LRMDA: variants seen among roughly 807,000 people sequenced by gnomAD.
LRMDA encodes leucine-rich melanocyte differentiation-associated protein.
A neutral mutation model predicts 29.8 loss-of-function variants in LRMDA; 18 were observed. The ratio of observed to expected loss-of-function variants is 0.60; its 90% CI spans 0.42 to 0.90. LRMDA has a LOEUF of 0.90. LRMDA is among the 40% of genes least tolerant of loss of function. The pLI, the probability that LRMDA is intolerant of heterozygous loss-of-function variation, is 0.00. For missense variants in LRMDA, 273 were observed against 273.9 expected, an observed-to-expected ratio of 1.00 and a Z score of 0.02; for synonymous variants, 125 against 109.4, an observed-to-expected ratio of 1.14 and a Z score of -0.89.
chr10:75,542,372 G>T (rs566354570), intron 2 of LRMDA, among the ~76,000 whole-genome samples: 1 of 152,054 alleles, frequency 6.6e-6, no homozygotes, highest in Non-Finnish European at 1.5e-5. Flanking sequence ...AGGAGTGTTT[G>T]CACTTTCACA....
chr10:75,983,777 C>T (rs912618156), intron 2 of LRMDA, among the ~76,000 whole-genome samples: 2 of 152,162 alleles, frequency 1.3e-5, no homozygotes, highest in African/African-American at 2.4e-5. Flanking sequence ...GTCTCAGCCT[C>T]CTCAGTAGGT....
intron 2 of LRMDA, among the ~76,000 whole-genome samples, chr10:75,840,293 A>G (rs1464485949): frequency 2.0e-5 from 3 of 151,986 alleles, no homozygotes; most frequent in African/African-American, 7.3e-5. Flanking sequence ...CTCTTTTTTA[A>G]CCTCATTTCC....
chr10:75,741,431 T>C (rs78743623), intron 2 of LRMDA, among the ~76,000 whole-genome samples: 4,248 of 151,570 alleles, frequency 0.028, 86 homozygotes, highest in South Asian at 0.062. Flanking sequence ...AGAATACCAC[T>C]GCTTTAAAAA....
At chr10:76,337,169 A>G (rs1840979796) in intron 6 of LRMDA, among the ~76,000 whole-genome samples, 1 of 152,172 alleles carries the variant, frequency 6.6e-6, no homozygotes, top group Non-Finnish European at 1.5e-5. Flanking sequence ...AATTCATTCA[A>G]GAGATATCTA....
intron 2 of LRMDA, among the ~76,000 whole-genome samples, chr10:75,728,116 C>T (rs916686354): frequency 3.3e-5 from 5 of 152,146 alleles, no homozygotes; most frequent in Admixed American, 6.5e-5. Flanking sequence ...TAGAGAGGTT[C>T]CCAACTTTGC....
At chr10:75,441,596 A>G (rs1434054381) in intron 2 of LRMDA, among the ~76,000 whole-genome samples, 2 of 152,144 alleles carry the variant, frequency 1.3e-5, no homozygotes, top group African/African-American at 4.8e-5. Flanking sequence ...AATTAGGGTC[A>G]GGCCTCCTGC....
chr10:76,182,982 A>G (rs1851081857), intron 5 of LRMDA, among the ~76,000 whole-genome samples: 1 of 152,206 alleles, frequency 6.6e-6, no homozygotes, highest in African/African-American at 2.4e-5. Context: ...TCCCAGTCAG[A>G]CATCAGAACC....
At chr10:76,329,285 A>G (rs1840875225) in intron 6 of LRMDA, among the ~76,000 whole-genome samples, 1 of 152,254 alleles carries the variant, frequency 6.6e-6, no homozygotes, top group Non-Finnish European at 1.5e-5. Context: ...CAGATAATCC[A>G]GCACATCTAC....
intron 6 of LRMDA, among the ~76,000 whole-genome samples, chr10:76,370,425 A>T (rs143884818): frequency 3.3e-4 from 50 of 152,286 alleles, no homozygotes; most frequent in Non-Finnish European, 5.7e-4. Context: ...TTTCATTTGT[A>T]TTCACTATGA....
At chr10:75,938,527 T>G (rs1846333440) in intron 2 of LRMDA, among the ~76,000 whole-genome samples, 1 of 152,224 alleles carries the variant, frequency 6.6e-6, no homozygotes, top group Non-Finnish European at 1.5e-5. Flanking sequence ...CTATAGCGCC[T>G]GGTCCGGCAC....
At chr10:76,507,682 GAT>G (rs1264519213) in intron 6 of LRMDA, among the ~76,000 whole-genome samples, 1 of 152,118 alleles carries the variant, frequency 6.6e-6, no homozygotes, top group Non-Finnish European at 1.5e-5. Flanking sequence ...TGGGCTAAGA[GAT>G]AGGGGTCTAA....
chr10:76,345,443 C>A (rs1841095142), intron 6 of LRMDA, among the ~76,000 whole-genome samples: 3 of 148,186 alleles, frequency 2.0e-5, no homozygotes, highest in South Asian at 4.2e-4. Context: ...GTATTACAGA[C>A]CATGATAAAT....
At chr10:76,067,621 G>T (rs1196837300) in intron 5 of LRMDA, among the ~76,000 whole-genome samples, 1 of 152,164 alleles carries the variant, frequency 6.6e-6, no homozygotes, top group Non-Finnish European at 1.5e-5. Context: ...GGGTGCATGG[G>T]TGAGCTTGAC....
chr10:75,604,803 A>G (rs1840935145), intron 2 of LRMDA, among the ~76,000 whole-genome samples: 1 of 152,154 alleles, frequency 6.6e-6, no homozygotes, highest in Non-Finnish European at 1.5e-5. Context: ...CTGCCCCACC[A>G]CTTACCAATC....
At chr10:76,008,368 G>A (rs1847711232) in intron 2 of LRMDA, among the ~76,000 whole-genome samples, 1 of 152,088 alleles carries the variant, frequency 6.6e-6, no homozygotes, top group South Asian at 2.1e-4. Flanking sequence ...GGCTTTACTG[G>A]TTAAGCTTTT....
intron 2 of LRMDA, among the ~76,000 whole-genome samples, chr10:75,551,283 T>C (rs1840140894): frequency 1.3e-5 from 2 of 151,864 alleles, no homozygotes; most frequent in African/African-American, 4.8e-5. Context: ...TATGTAGGTG[T>C]AGAAGCACTA....
At position 76,440,242 on chromosome 10, in the gene LRMDA, G is replaced by A. The variant is rs150379525; in HGVS notation, c.601+115757G>A. 4.8e-4 allele frequency among the ~76,000 whole-genome samples: 73 copies of A among 152,350 alleles called. 1 individual carries two copies. The highest frequency in any genetic ancestry group is 4.6e-3 in the South Asian group (22 of 4,828). ...AACTTGAGCAAAGCTCATTGGCCAT[G>A]TAAGATTTAGATAATATCAGGCAAT... On this transcript the variant is annotated intron_variant, in intron 6 of 6. Coordinates refer to ENST00000611255, the MANE Select transcript of LRMDA (RefSeq NM_001305581.2).
chr10:75,762,636 C>T (rs1843112082), intron 2 of LRMDA, among the ~76,000 whole-genome samples: 1 of 152,326 alleles, frequency 6.6e-6, no homozygotes. Flanking sequence ...AGGTAATTAA[C>T]CTCTCTGAGC....
At chr10:75,971,602 C>T (rs1846972274) in intron 2 of LRMDA, among the ~76,000 whole-genome samples, 1 of 152,172 alleles carries the variant, frequency 6.6e-6, no homozygotes, top group African/African-American at 2.4e-5. Context: ...GAGCATTTTA[C>T]AAGCAAGGAT....
Sources: gnomAD v4.1 joint callset for allele counts (sites outside exome capture counted in the v4.1 genomes callset) on GRCh38, gnomAD v4.1.1 for gene constraint, MANE v1.5 for transcripts, NCBI Gene and HGNC (gene_info 2026-07-23, HGNC 2026-07-21) for gene names.